HECTD2: variants seen among roughly 807,000 people sequenced by gnomAD.
The protein encoded by HECTD2 is probable E3 ubiquitin-protein ligase HECTD2.
In HECTD2, 35 loss-of-function variants were observed where a neutral mutation model predicts 103.2. The ratio of observed to expected loss-of-function variants is 0.34; its 90% CI spans 0.26 to 0.45. The LOEUF is 0.45. Among genes scored for constraint, HECTD2 ranks in the 20% least tolerant of loss-of-function variants. The pLI, the probability that HECTD2 is intolerant of heterozygous loss-of-function variation, is 1.00. For missense variants in HECTD2, 596 were observed against 937.4 expected (o/e 0.64, Z 4.76); for synonymous variants, 281 against 329.9 (o/e 0.85, Z 1.61).
chr10:91,430,447 T>G (rs1843801272), intron 2 of HECTD2, among the ~76,000 whole-genome samples: 1 of 152,154 alleles, frequency 6.6e-6, no homozygotes, highest in Admixed American at 6.5e-5. Flanking sequence ...TAACTTTCTG[T>G]TTCGTTGATC....
intron 5 of HECTD2, among the ~76,000 whole-genome samples, chr10:91,477,774 T>C (rs1410406470): frequency 6.6e-6 from 1 of 152,252 alleles, no homozygotes; most frequent in Non-Finnish European, 1.5e-5. Context: ...AAATGTATTT[T>C]ATTTTCATTT....
chr10:91,481,599 G>GTT (rs998344448), intron 7 of HECTD2, among the ~76,000 whole-genome samples: 1 of 149,756 alleles, frequency 6.7e-6, no homozygotes, highest in African/African-American at 2.5e-5. Context: ...AAGATAAAAG[G>GTT]TTTTTTTTTA....
chr10:91,414,903 T>C (rs561022558), intron 1 of HECTD2, among the ~76,000 whole-genome samples: 1 of 152,146 alleles, frequency 6.6e-6, no homozygotes, highest in East Asian at 1.9e-4. Flanking sequence ...CCCCCTGCGG[T>C]TAGTGGGAAG....
At chr10:91,508,684 A>G (rs1181231926) in intron 20 of HECTD2, among the ~76,000 whole-genome samples, 1 of 147,994 alleles carries the variant, frequency 6.8e-6, no homozygotes, top group African/African-American at 2.6e-5. Flanking sequence ...TGGGACTGTA[A>G]ACTAGTTCAA....
At chr10:91,486,733 A>C (rs1305610478) in intron 10 of HECTD2, 1 of 152,118 alleles carries the variant, frequency 6.6e-6, no homozygotes, top group Non-Finnish European at 1.5e-5. Context: ...TTTTCTTTTT[A>C]TTTCCAATTT....
intron 20 of HECTD2, 117 bp from the exon 21 acceptor site, chr10:91,512,147 C>T: frequency 9.0e-7 from 1 of 1,110,168 alleles, no homozygotes; most frequent in South Asian, 1.5e-5. Context: ...GATGAGTCAT[C>T]TCTTAACAGA....
chr10:91,460,627 T>G, intron 3 of HECTD2, 62 bp downstream of exon 3: 1 of 1,458,292 alleles, frequency 6.9e-7, no homozygotes, highest in Non-Finnish European at 9.2e-7. Flanking sequence ...TTACATAATT[T>G]AATATCTTTA....
In HECTD2 at chr10:91,514,466, C is replaced by T. The variant is rs1332057484; in HGVS notation, c.*2082C>T. The T allele has an allele frequency of 6.6e-6, 1 of 152,444 alleles. No individual in the cohort carries two copies. Among genetic ancestry groups the T allele is most frequent in the East Asian group, 1.9e-4 (1 of 5,194 alleles). 9.4% of individuals were successfully genotyped at this position (152,444 alleles called of 1,614,324 possible). On this transcript the variant is annotated 3_prime_UTR_variant, in exon 21 of 21. Coordinates refer to ENST00000298068, the MANE Select transcript of HECTD2 (RefSeq NM_182765.6). Reference sequence around the variant, plus strand: ...AATACCTCATTTAAAAAATAAAAACCACTACTGTTACATTTTATTAATTTA... The same window carrying T: ...AATACCTCATTTAAAAAATAAAAACTACTACTGTTACATTTTATTAATTTA...
chr10:91,453,906 G>A lies in HECTD2; in HGVS notation c.269-6521G>A, dbSNP rs538376276. ...GACTGCATTAATATCAGATAAAGTG[G>A]ACTTAGAACAAAGAAAACTCATGGA... On this transcript the variant is annotated intron_variant, in intron 2 of 20. Transcript: ENST00000298068. Among the ~76,000 whole-genome samples the A allele has an allele frequency of 4.5e-4, 69 of 152,112 alleles. No individual in the cohort carries two copies. In the South Asian group the frequency reaches 0.014, roughly 31 times the overall value.
chr10:91,469,390 G>A (rs1198881005), intron 5 of HECTD2, among the ~76,000 whole-genome samples: 1 of 152,168 alleles, frequency 6.6e-6, no homozygotes, highest in African/African-American at 2.4e-5. Context: ...ACCCTATCAG[G>A]CTAACAGCAG....
chr10:91,509,038 A>C lies in HECTD2; in HGVS notation c.2211-3226A>C, dbSNP rs1847313928. Reference sequence around the variant, plus strand: ...CTATCGCAATAACAAAAAACCAAACACCGCATATTCTCACTCATAGGTGGG... The same window carrying C: ...CTATCGCAATAACAAAAAACCAAACCCCGCATATTCTCACTCATAGGTGGG... On this transcript the variant is annotated intron_variant, in intron 20 of 20. Transcript: ENST00000298068. Among the ~76,000 whole-genome samples, 11 of 149,326 alleles carry C rather than the reference A, an allele frequency of 7.4e-5. No homozygotes were observed. In the South Asian group the frequency reaches 2.3e-3, roughly 32 times the overall value.
intron 4 of HECTD2, 34 bp downstream of exon 4, chr10:91,461,390 T>G: frequency 9.4e-7 from 1 of 1,068,120 alleles, no homozygotes; most frequent in Non-Finnish European, 1.4e-6. Context: ...TTCATTTCAC[T>G]TTTAGTTTTA....
chr10:91,498,151 A>C lies in HECTD2; in HGVS notation c.1724A>C (p.Asn575Thr). The change falls in exon 16 of 21, where the codon AAT becomes ACT. Residue 575 changes from asparagine to threonine, a missense_variant. Coordinates refer to ENST00000298068, the MANE Select transcript of HECTD2 (RefSeq NM_182765.6). ...AGTGAACTCTTATCACATGAAGGCA[A>C]TGTTGAAGAAGATTTCTATTCAACA... The part of the protein sequence containing the change: ...GLSELLSHEG[N>T]VEEDFYSTFQ... 1 of 1,611,950 alleles carries C rather than the reference A, an allele frequency of 6.2e-7. No homozygotes were observed. The highest frequency in any genetic ancestry group is 1.1e-5 in the South Asian group (1 of 91,002).
intron 2 of HECTD2, among the ~76,000 whole-genome samples, chr10:91,445,767 C>T (rs918038771): frequency 2.0e-5 from 3 of 152,044 alleles, no homozygotes; most frequent in East Asian, 3.9e-4. Flanking sequence ...TTGCCACATC[C>T]GGGAAGCACA....
upstream of HECTD2, among the ~76,000 whole-genome samples, chr10:91,409,773 G>A (rs1430872539): frequency 6.6e-6 from 1 of 152,160 alleles, no homozygotes; most frequent in African/African-American, 2.4e-5. Context: ...GGCTCAGGAG[G>A]GCGGGCAAGG....
chr10:91,494,206 TG>T (rs201074905), intron 14 of HECTD2, among the ~76,000 whole-genome samples: 2 of 148,930 alleles, frequency 1.3e-5, no homozygotes, highest in African/African-American at 5.0e-5. Flanking sequence ...ATAAAAGGGG[TG>T]GGGGGGAATT....
chr10:91,411,890 C>T (rs1482092626), intron 1 of HECTD2, among the ~76,000 whole-genome samples: 1 of 152,120 alleles, frequency 6.6e-6, no homozygotes, highest in Non-Finnish European at 1.5e-5. Context: ...CACAGAATTC[C>T]AGCAGTTCAT....
intron 2 of HECTD2, among the ~76,000 whole-genome samples, chr10:91,457,140 C>T (rs778227283): frequency 8.6e-5 from 13 of 151,974 alleles, no homozygotes; most frequent in Admixed American, 1.3e-4. Flanking sequence ...TAATTTGCCT[C>T]GTTTTATAAC....
intron 2 of HECTD2, among the ~76,000 whole-genome samples, chr10:91,458,050 C>CA (rs1420055375): frequency 7.5e-4 from 108 of 143,910 alleles, no homozygotes; most frequent in Non-Finnish European, 1.2e-3. Flanking sequence ...CATGAAATCT[C>CA]AAAAAAAAAC....
Sources: allele counts gnomAD v4.1 joint callset (sites outside exome capture counted in the v4.1 genomes callset), GRCh38; gene constraint gnomAD v4.1.1; transcripts MANE v1.5; gene names NCBI Gene and HGNC (gene_info 2026-07-23, HGNC 2026-07-21).